Variants in SUGCT observed in about 807,000 individuals in gnomAD.
SUGCT encodes the protein succinyl-CoA:glutarate-CoA transferase, also known as succinyl-CoA:glutarate CoA-transferase.
SUGCT carries 41 observed loss-of-function variants against 55.0 expected under a neutral mutation model. That is an observed-to-expected ratio of 0.74 (90% CI 0.58 to 0.97). SUGCT has a LOEUF of 0.97. Among genes scored for constraint, SUGCT ranks in the 50% least tolerant of loss-of-function variants. The pLI is 0.00. For missense variants in SUGCT, 568 were observed against 547.8 expected (o/e 1.04, Z -0.37); for synonymous variants, 187 against 200.4 (o/e 0.93, Z 0.56).
At chr7:40,300,367 G>A (rs1017585688) in intron 8 of SUGCT, among the ~76,000 whole-genome samples, 7 of 152,136 alleles carry the variant, frequency 4.6e-5, no homozygotes, top group African/African-American at 1.7e-4. Context: ...TGCTGAGGAT[G>A]TAAAAAAGAT....
chr7:40,335,438 T>C (rs1490997988), intron 9 of SUGCT, among the ~76,000 whole-genome samples: 3 of 151,882 alleles, frequency 2.0e-5, no homozygotes, highest in African/African-American at 7.3e-5. Flanking sequence ...CAGTGGTTTG[T>C]AGTTCTCCTT....
chr7:40,329,595 C>T (rs1796203091), intron 9 of SUGCT, among the ~76,000 whole-genome samples: 1 of 152,184 alleles, frequency 6.6e-6, no homozygotes, highest in Non-Finnish European at 1.5e-5. Context: ...CCTAGTGACA[C>T]TGAGTAGTCT....
At chr7:40,967,196 C>T in the SUGCT span, 4 of 152,140 alleles carry the variant, frequency 2.6e-5, no homozygotes, top group African/African-American at 9.7e-5. Flanking sequence ...TCATGCTATC[C>T]AGTAGCCTCC....
intron 7 of SUGCT, among the ~76,000 whole-genome samples, chr7:40,245,423 ATTTTTTTTTTT>A (rs1168316176): frequency 3.7e-5 from 2 of 54,576 alleles, no homozygotes; most frequent in South Asian, 5.4e-4. Flanking sequence ...ATATATATAT[ATTTTTTTTTTT>A]TTTTTTTTTT....
chr7:40,651,185 T>A (rs2151839377), intron 12 of SUGCT, among the ~76,000 whole-genome samples: 1 of 152,302 alleles, frequency 6.6e-6, no homozygotes, highest in East Asian at 1.9e-4. Context: ...TGAAAATATG[T>A]GTGCATGTAT....
chr7:40,180,950 T>A lies in SUGCT; in HGVS notation c.104T>A (p.Met35Lys). ...AATGTTTTCTCTGTTTTGCCAGATA[T>A]GAACAATATAAAGCCATTGGAAGGG... Reference protein sequence around the residue: ...GLWTGRPQSDMNNIKPLEGVK... With the variant: ...GLWTGRPQSDKNNIKPLEGVK... Residue 35 changes from methionine to lysine, a missense_variant, in exon 2 of 14, where the codon ATG (methionine) becomes AAG (lysine). Met to Lys is a moderately conservative substitution (Grantham distance 95). Transcript: ENST00000335693. The A allele has an allele frequency of 6.2e-7, 1 of 1,606,606 alleles. No individual in the cohort carries two copies. The highest frequency in any genetic ancestry group is 1.1e-5 in the South Asian group (1 of 90,632).
At chr7:40,259,656 C>T (rs1791087660) in intron 7 of SUGCT, among the ~76,000 whole-genome samples, 1 of 152,112 alleles carries the variant, frequency 6.6e-6, no homozygotes, top group Non-Finnish European at 1.5e-5. Context: ...AATTTGTAGT[C>T]TTATTTAGAT....
chr7:40,171,917 A>C (rs1784689712), intron 1 of SUGCT, among the ~76,000 whole-genome samples: 1 of 152,174 alleles, frequency 6.6e-6, no homozygotes, highest in South Asian at 2.1e-4. Context: ...CCTGGCTTTT[A>C]AAGGAATAGG....
chr7:40,564,333 G>C (rs182062799), intron 12 of SUGCT, among the ~76,000 whole-genome samples: 7 of 152,134 alleles, frequency 4.6e-5, no homozygotes, highest in African/African-American at 1.7e-4. Context: ...CCGAGATCGC[G>C]CCACTGCACT....
the SUGCT span, among the ~76,000 whole-genome samples, chr7:40,897,631 G>T: frequency 6.6e-6 from 1 of 152,148 alleles, no homozygotes; most frequent in East Asian, 1.9e-4. Context: ...GGCCGTTGCA[G>T]TGGGCCCCCA....
chr7:40,920,754 A>G, the SUGCT span, among the ~76,000 whole-genome samples: 1 of 152,234 alleles, frequency 6.6e-6, no homozygotes, highest in African/African-American at 2.4e-5. Context: ...GACTACCTTT[A>G]GATATTATCA....
chr7:40,321,280 C>T (rs1376857633), intron 9 of SUGCT, among the ~76,000 whole-genome samples: 5 of 151,970 alleles, frequency 3.3e-5, no homozygotes. Context: ...TTTTGCCATG[C>T]TGGCCAGGCT....
chr7:40,678,447 T>A (rs936718201), intron 12 of SUGCT, among the ~76,000 whole-genome samples: 6 of 152,120 alleles, frequency 3.9e-5, no homozygotes, highest in Admixed American at 1.3e-4. Flanking sequence ...CATACTTCCC[T>A]TTTTCACCAG....
At chr7:40,223,281 G>A (rs1465377196) in intron 6 of SUGCT, among the ~76,000 whole-genome samples, 2 of 152,022 alleles carry the variant, frequency 1.3e-5, no homozygotes, top group African/African-American at 2.4e-5. Context: ...GATGGGTCTC[G>A]AATTCCTGAC....
chr7:40,316,566 C>T (rs987397568), intron 8 of SUGCT, among the ~76,000 whole-genome samples, 194 bp from the exon 9 acceptor site: 3 of 152,144 alleles, frequency 2.0e-5, no homozygotes, highest in African/African-American at 7.2e-5. Context: ...ATTACTTAGT[C>T]TCATGCAATA....
At chr7:41,006,639 G>A in the SUGCT span, among the ~76,000 whole-genome samples, 5 of 152,278 alleles carry the variant, frequency 3.3e-5, no homozygotes, top group African/African-American at 1.2e-4. Context: ...GCTTGTTTCA[G>A]GTTTCAGGCT....
chr7:40,739,966 G>A (rs966768398), intron 12 of SUGCT, among the ~76,000 whole-genome samples: 20 of 152,064 alleles, frequency 1.3e-4, no homozygotes, highest in Admixed American at 6.6e-5. Flanking sequence ...TGGGACTTTG[G>A]TAAGAATTGC....
chr7:40,689,838 T>G (rs1268443268), intron 12 of SUGCT, among the ~76,000 whole-genome samples: 3 of 152,148 alleles, frequency 2.0e-5, no homozygotes, highest in African/African-American at 7.2e-5. Context: ...CTGTGCATAT[T>G]ATTTTACTCA....
At chr7:40,935,676 T>A in the SUGCT span, among the ~76,000 whole-genome samples, 1 of 152,226 alleles carries the variant, frequency 6.6e-6, no homozygotes, top group African/African-American at 2.4e-5. Flanking sequence ...TCCCAATAAT[T>A]AACTATTATG....
Sources: allele counts gnomAD v4.1 joint callset (sites outside exome capture counted in the v4.1 genomes callset), GRCh38; gene constraint gnomAD v4.1.1; transcripts MANE v1.5; gene names NCBI Gene and HGNC (gene_info 2026-07-23, HGNC 2026-07-21).